The following ARHGEF7 variants were observed in gnomAD, a reference collection of about 807,000 sequenced individuals.
ARHGEF7 encodes the protein PAK-interacting exchange factor beta.
A neutral mutation model predicts 109.8 loss-of-function variants in ARHGEF7; 33 were observed. That is an observed-to-expected ratio of 0.30 (90% confidence interval 0.23 to 0.40). The LOEUF (loss-of-function observed/expected upper bound fraction) is 0.40, where lower values mean the gene tolerates loss of function less well. Among genes scored for constraint, ARHGEF7 ranks in the 10% least tolerant of loss-of-function variants. The probability of loss-of-function intolerance (pLI) is 1.00; values close to 1 mark genes in which losing one functional copy is unlikely to be tolerated. For missense variants in ARHGEF7, 938 were observed against 1,098.5 expected (o/e 0.85, Z 2.07); for synonymous variants, 458 against 424.6 (o/e 1.08, Z -0.97).
intron 8 of ARHGEF7, among the ~76,000 whole-genome samples, chr13:111,263,560 AATTT>A (rs1404606380): frequency 6.6e-6 from 1 of 152,182 alleles, no homozygotes; most frequent in African/African-American, 2.4e-5. Flanking sequence ...CAATCCTAAG[AATTT>A]AACCCATTGT....
At chr13:111,221,554 T>TATATATATATAGATAC (rs1566876823) in intron 5 of ARHGEF7, among the ~76,000 whole-genome samples, 1 of 72,642 alleles carries the variant, frequency 1.4e-5, no homozygotes, top group African/African-American at 4.4e-5. Flanking sequence ...TACATATCTA[T>TATATATATATAGATAC]ATATCTATAT....
chr13:111,241,406 C>T, intron 6 of ARHGEF7: 11 of 1,497,066 alleles, frequency 7.3e-6, no homozygotes, highest in South Asian at 2.4e-5. Context: ...GGAGTGGGCA[C>T]CCCAGCTGGA....
chr13:111,147,597 T>C (rs981882109), intron 1 of ARHGEF7, among the ~76,000 whole-genome samples: 2 of 151,888 alleles, frequency 1.3e-5, no homozygotes, highest in African/African-American at 4.8e-5. Context: ...CCTTTTTTAC[T>C]CGCCATCCTT....
chr13:111,221,695 TG>T (rs1482988034), intron 5 of ARHGEF7, among the ~76,000 whole-genome samples: 6 of 118,558 alleles, frequency 5.1e-5, no homozygotes, highest in African/African-American at 1.8e-4. Flanking sequence ...ATAAACCCCT[TG>T]ATATATCTAT....
At chr13:111,291,382 G>T (rs2153626146) in intron 18 of ARHGEF7, among the ~76,000 whole-genome samples, 1 of 152,364 alleles carries the variant, frequency 6.6e-6, no homozygotes, top group East Asian at 1.9e-4. Flanking sequence ...ACAGCAGAGG[G>T]TCTGCATTGG....
At chr13:111,157,777 G>A (rs530827377) in intron 2 of ARHGEF7, among the ~76,000 whole-genome samples, 1 of 152,254 alleles carries the variant, frequency 6.6e-6, no homozygotes, top group South Asian at 2.1e-4. Flanking sequence ...GCTACTGTAG[G>A]ATGTGTATGT....
intron 2 of ARHGEF7, among the ~76,000 whole-genome samples, chr13:111,202,694 A>G (rs2081340946): frequency 1.3e-5 from 2 of 152,212 alleles, no homozygotes; most frequent in Admixed American, 1.3e-4. Context: ...TTTTGCAGAG[A>G]GATTTCTATA....
rs972729777 is a variant in ARHGEF7 at position 111,239,065 on chromosome 13, C to T, written c.760-4807C>T. Reference sequence around the variant, plus strand: ...GGGAAATGCCAGATGCTTATAAAACCATCAGATCTTGTGAGAACTCACCAT... The same window carrying T: ...GGGAAATGCCAGATGCTTATAAAACTATCAGATCTTGTGAGAACTCACCAT... On this transcript the variant is annotated intron_variant, in intron 6 of 21. Coordinates refer to ENST00000646102, the MANE Select transcript of ARHGEF7 (RefSeq NM_001354046.2). This position sits in a 1 kb window ranked among gnomAD's most constrained non-coding sequence, Gnocchi z 4.3. Among the ~76,000 whole-genome samples the T allele has an allele frequency of 1.3e-5, 2 of 151,996 alleles. No individual in the cohort carries two copies. The highest frequency in any genetic ancestry group is 4.8e-5 in the African/African-American group (2 of 41,350).
chr13:111,241,043 CTT>C (rs1215591769), intron 6 of ARHGEF7: 2 of 1,168,404 alleles, frequency 1.7e-6, no homozygotes, highest in Non-Finnish European at 2.3e-6. Flanking sequence ...AGTGAGTCCT[CTT>C]TGTTTTGCTG....
At chr13:111,230,301 ATGC>A (rs901590663) in intron 5 of ARHGEF7, among the ~76,000 whole-genome samples, 1 of 152,218 alleles carries the variant, frequency 6.6e-6, no homozygotes, top group East Asian at 1.9e-4. Flanking sequence ...GGGCCAAAAA[ATGC>A]TGCTTTTCTT....
intron 17 of ARHGEF7, among the ~76,000 whole-genome samples, chr13:111,287,493 C>A (rs2093071182): frequency 1.3e-5 from 2 of 152,226 alleles, no homozygotes; most frequent in African/African-American, 4.8e-5. Context: ...AAAGAGATCC[C>A]TGTTCTCATA....
chr13:111,140,813 A>G (rs1398834994), intron 1 of ARHGEF7, among the ~76,000 whole-genome samples: 3 of 152,012 alleles, frequency 2.0e-5, no homozygotes, highest in Non-Finnish European at 4.4e-5. Context: ...CAGAGTAGCT[A>G]GGACTACAGC....
intron 5 of ARHGEF7, among the ~76,000 whole-genome samples, chr13:111,221,466 CATCTATATATATAGATATATATAGACAT>C (rs2084188377): frequency 2.3e-5 from 1 of 43,866 alleles, no homozygotes; most frequent in Non-Finnish European, 4.2e-5. Flanking sequence ...GATATATAGA[CATCTATATATATAGATATATATAGACAT>C]ATATATATCT....
At chr13:111,298,737 G>A (rs942905913) in intron 19 of ARHGEF7, among the ~76,000 whole-genome samples, 11 of 152,252 alleles carry the variant, frequency 7.2e-5, no homozygotes, top group Non-Finnish European at 1.5e-4. Context: ...GGGGACGCAT[G>A]TGAGGAGCTG....
chr13:111,155,841 C>G (rs537226357), intron 2 of ARHGEF7, among the ~76,000 whole-genome samples: 2 of 152,086 alleles, frequency 1.3e-5, no homozygotes, highest in South Asian at 2.1e-4. Flanking sequence ...TTTGGGAGGC[C>G]GAGGCGGGTG....
In ARHGEF7 at chr13:111,275,425, T is replaced by A. The variant is rs553572100; in HGVS notation, c.1273-107T>A. ...TCAATAAATTATCTGTCTGAAGAAGTAAGATATAAAGCAATAATTGTCTTA... is the reference window on the plus strand; with the variant it reads ...TCAATAAATTATCTGTCTGAAGAAGAAAGATATAAAGCAATAATTGTCTTA... On this transcript the variant is annotated intron_variant, in intron 11 of 21. Coordinates refer to ENST00000646102, the MANE Select transcript of ARHGEF7 (RefSeq NM_001354046.2). The A allele has an allele frequency of 5.5e-5, 67 of 1,222,310 alleles. No individual in the cohort carries two copies. The South Asian group carries it at 8.6e-4, about 16-fold the overall frequency. The allele number at this position is 1,222,310 out of a possible 1,614,324, so 75.7% of individuals were successfully genotyped here. A position where few individuals can be genotyped will look rare whatever the true frequency, so the allele number is the denominator to read the frequency against.
chr13:111,261,326 TATATC>T (rs1290538687), intron 8 of ARHGEF7, among the ~76,000 whole-genome samples: 3 of 152,122 alleles, frequency 2.0e-5, no homozygotes, highest in Non-Finnish European at 2.9e-5. Flanking sequence ...TAGCTAGACT[TATATC>T]AAACAAAATA....
chr13:111,265,721 G>A (rs1404548448), intron 8 of ARHGEF7: 2 of 456,094 alleles, frequency 4.4e-6, no homozygotes, highest in Non-Finnish European at 8.8e-6. Flanking sequence ...GTGGGCCTTG[G>A]AGGTGGGTAG....
chr13:111,201,415 CTA>C (rs2081200900), intron 2 of ARHGEF7, among the ~76,000 whole-genome samples: 1 of 152,170 alleles, frequency 6.6e-6, no homozygotes, highest in South Asian at 2.1e-4. Context: ...TAAACATACT[CTA>C]TGAGAATAGA....
Sources: allele counts gnomAD v4.1 joint callset (sites outside exome capture counted in the v4.1 genomes callset), GRCh38; gene constraint gnomAD v4.1.1; non-coding constraint Gnocchi (gnomAD v3.1); transcripts MANE v1.5; gene names NCBI Gene and HGNC (gene_info 2026-07-23, HGNC 2026-07-21).